The following KHDRBS2 variants were observed in gnomAD, a reference collection of about 807,000 sequenced individuals.
KHDRBS2 encodes KH domain-containing, RNA-binding, signal transduction-associated protein 2.
KHDRBS2 carries 26 observed loss-of-function variants against 44.3 expected under a neutral mutation model. The observed-to-expected ratio is 0.59, with a 90% CI of 0.43 to 0.81. The LOEUF is 0.81. Among genes scored for constraint, KHDRBS2 ranks in the 40% least tolerant of loss-of-function variants. KHDRBS2 has a pLI of 0.00. For synonymous variants in KHDRBS2, 194 were observed against 151.1 expected, an observed-to-expected ratio of 1.28 and a Z score of -2.08; for missense variants, 476 against 433.1, an observed-to-expected ratio of 1.10 and a Z score of -0.88.
At chr6:61,562,931 T>A in the KHDRBS2 span, among the ~76,000 whole-genome samples, 1 of 152,276 alleles carries the variant, frequency 6.6e-6, no homozygotes, top group Non-Finnish European at 1.5e-5. Context: ...GTTATATCTG[T>A]TTGGCTATTT....
chr6:62,186,777 T>G (rs1585114280), intron 1 of KHDRBS2, among the ~76,000 whole-genome samples: 1 of 152,208 alleles, frequency 6.6e-6, no homozygotes, highest in East Asian at 1.9e-4. Flanking sequence ...TTAACTGTGT[T>G]GAGACTCAGA....
the KHDRBS2 span, among the ~76,000 whole-genome samples, chr6:61,624,898 T>A: frequency 6.6e-6 from 1 of 152,138 alleles, no homozygotes; most frequent in Non-Finnish European, 1.5e-5. Context: ...AGGGGCAAAC[T>A]CTTGCCAAGG....
At chr6:61,859,810 T>G (rs1796660954) in intron 6 of KHDRBS2, among the ~76,000 whole-genome samples, 1 of 151,900 alleles carries the variant, frequency 6.6e-6, no homozygotes, top group African/African-American at 2.4e-5. Flanking sequence ...AGAGAAAACA[T>G]GAGGCAATAA....
intron 7 of KHDRBS2, among the ~76,000 whole-genome samples, chr6:61,700,683 G>T (rs569932665): frequency 6.6e-6 from 1 of 151,138 alleles, no homozygotes; most frequent in East Asian, 2.0e-4. Flanking sequence ...TGTAAATTAA[G>T]ATCCTTTCCC....
the KHDRBS2 span, among the ~76,000 whole-genome samples, chr6:61,577,128 T>TA: frequency 2.3e-5 from 2 of 86,794 alleles, no homozygotes; most frequent in Admixed American, 1.1e-4. Context: ...TAACACTCAG[T>TA]TTTTGTTTTT....
chr6:61,743,048 A>C (rs573145476), intron 6 of KHDRBS2, among the ~76,000 whole-genome samples: 2 of 152,236 alleles, frequency 1.3e-5, no homozygotes, highest in South Asian at 4.1e-4. Context: ...TTAACAAATT[A>C]ATCTCTGGGG....
chr6:61,967,786 A>G (rs900936751), intron 4 of KHDRBS2, among the ~76,000 whole-genome samples: 2 of 151,200 alleles, frequency 1.3e-5, no homozygotes, highest in Non-Finnish European at 3.0e-5. Context: ...CTGCTCTTAA[A>G]ATTTCCATGA....
At chr6:61,720,526 C>A (rs1772282257) in intron 7 of KHDRBS2, among the ~76,000 whole-genome samples, 1 of 152,226 alleles carries the variant, frequency 6.6e-6, no homozygotes, top group Non-Finnish European at 1.5e-5. Context: ...CTCTGATGGC[C>A]AGTGATGGTG....
chr6:61,829,098 C>T (rs1361148250), intron 6 of KHDRBS2, among the ~76,000 whole-genome samples: 1 of 152,098 alleles, frequency 6.6e-6, no homozygotes, highest in Non-Finnish European at 1.5e-5. Flanking sequence ...CACAGATGTA[C>T]GTTTTAGTGT....
chr6:62,108,435 A>T (rs970113638), intron 2 of KHDRBS2, among the ~76,000 whole-genome samples: 3 of 152,210 alleles, frequency 2.0e-5, no homozygotes, highest in African/African-American at 7.2e-5. Context: ...ATCATTAAAA[A>T]GTCAGGAAAC....
At chr6:61,986,166 T>A (rs1775024061) in intron 3 of KHDRBS2, among the ~76,000 whole-genome samples, 1 of 152,170 alleles carries the variant, frequency 6.6e-6, no homozygotes, top group Non-Finnish European at 1.5e-5. Context: ...GGACCTCTCA[T>A]GAAAAGATGA....
At chr6:61,743,980 T>C (rs866780934) in intron 6 of KHDRBS2, among the ~76,000 whole-genome samples, 2 of 152,036 alleles carry the variant, frequency 1.3e-5, no homozygotes, top group South Asian at 2.1e-4. Context: ...TATGGCTGCA[T>C]AGTATTCCAT....
chr6:61,895,250 C>T (rs185699008), intron 5 of KHDRBS2, among the ~76,000 whole-genome samples: 2 of 151,796 alleles, frequency 1.3e-5, no homozygotes, highest in African/African-American at 4.8e-5. Context: ...TGAAACTGAG[C>T]GGTTTCAGAT....
intron 2 of KHDRBS2, among the ~76,000 whole-genome samples, chr6:62,085,317 C>T (rs34512462): frequency 1.1e-3 from 171 of 151,890 alleles, no homozygotes; most frequent in Middle Eastern, 6.8e-3. Context: ...AATGGCTAAA[C>T]CATGAAAAAT....
intron 3 of KHDRBS2, among the ~76,000 whole-genome samples, chr6:62,034,666 G>T (rs561272834): frequency 8.0e-4 from 91 of 113,980 alleles, no homozygotes; most frequent in African/African-American, 2.8e-3. Context: ...AGCCATGACA[G>T]ACCCATGGCT....
chr6:61,638,365 T>C, the KHDRBS2 span, among the ~76,000 whole-genome samples: 2 of 152,024 alleles, frequency 1.3e-5, no homozygotes, highest in African/African-American at 4.8e-5. Flanking sequence ...TATCTACAAC[T>C]ATCTGATCTT....
At chr6:61,570,750 A>T in the KHDRBS2 span, among the ~76,000 whole-genome samples, 10 of 152,270 alleles carry the variant, frequency 6.6e-5, no homozygotes, top group East Asian at 1.9e-3. Flanking sequence ...CTCAGAAGGG[A>T]TTGGGGTCCC....
intron 6 of KHDRBS2, among the ~76,000 whole-genome samples, chr6:61,747,121 C>G (rs1160360965): frequency 2.7e-5 from 4 of 150,902 alleles, no homozygotes; most frequent in Non-Finnish European, 5.9e-5. Context: ...GGCCAACAAA[C>G]ATATGAAAAA....
rs186746652 is a variant in KHDRBS2 at position 61,777,320 on chromosome 6, T to C, written c.811-44556A>G. ...AAAATATAAAAAAAATTCCACTGGGTCTAACAAAATACAAATTTACAGTTT... is the reference window on the plus strand; with the variant it reads ...AAAATATAAAAAAAATTCCACTGGGCCTAACAAAATACAAATTTACAGTTT... On this transcript the variant is annotated intron_variant, in intron 6 of 8. Transcript: ENST00000281156. Among the ~76,000 whole-genome samples the C allele has an allele frequency of 2.8e-4, 43 of 152,086 alleles. No homozygotes were observed. The East Asian group carries it at 7.9e-3, about 28-fold the overall frequency.
Sources: allele counts gnomAD v4.1 joint callset (sites outside exome capture counted in the v4.1 genomes callset), GRCh38; gene constraint gnomAD v4.1.1; transcripts MANE v1.5; gene names NCBI Gene and HGNC (gene_info 2026-07-23, HGNC 2026-07-21).